SIPA1L1: variants seen among roughly 807,000 people sequenced by gnomAD.
SIPA1L1 encodes signal induced proliferation associated 1 like 1, also known as signal-induced proliferation-associated 1-like protein 1.
In SIPA1L1, 26 loss-of-function variants were observed where a neutral mutation model predicts 162.7. The ratio of observed to expected loss-of-function variants is 0.16; its 90% CI spans 0.12 to 0.22. The LOEUF (loss-of-function observed/expected upper bound fraction) is 0.22, where lower values mean the gene tolerates loss of function less well. SIPA1L1 is among the 10% of genes least tolerant of loss of function. The pLI is 1.00. For missense variants in SIPA1L1, 1,874 were observed against 2,241.0 expected (o/e 0.84, Z 3.31); for synonymous variants, 829 against 837.4 (o/e 0.99, Z 0.17).
Position 71,507,451 on chromosome 14 carries a change from T to G in SIPA1L1, c.-464-5292T>G, listed in dbSNP as rs113748107. 5.3e-3 allele frequency among the ~76,000 whole-genome samples: 800 copies of G among 152,322 alleles called. 10 individuals are homozygous for G. Among genetic ancestry groups the G allele is most frequent in the African/African-American group, 0.018 (752 of 41,568 alleles). On this transcript the variant is annotated intron_variant, in intron 2 of 23. Transcript: ENST00000381232. ...TCTTTCTGTGTTAACCTTAATCAAT[T>G]GATGTGTAGTTCAGTTTCGTGGGTA...
chr14:71,451,809 T>G (rs1203025767), intron 2 of SIPA1L1, among the ~76,000 whole-genome samples: 6 of 152,040 alleles, frequency 3.9e-5, no homozygotes, highest in Non-Finnish European at 8.8e-5. Flanking sequence ...TTTCCTGGTG[T>G]GTACGCAATT....
intron 2 of SIPA1L1, among the ~76,000 whole-genome samples, chr14:71,343,052 C>CT (rs1207989322): frequency 4.6e-5 from 7 of 152,146 alleles, no homozygotes; most frequent in African/African-American, 1.7e-4. Flanking sequence ...GTGCAAGGAC[C>CT]TTAGCCTATT....
chr14:71,646,392 G>T (rs2042171566), intron 7 of SIPA1L1, among the ~76,000 whole-genome samples: 1 of 152,150 alleles, frequency 6.6e-6, no homozygotes, highest in African/African-American at 2.4e-5. Context: ...TAGTCAGGAT[G>T]CTCTCAATCT....
chr14:71,433,501 G>A (rs1205595040), intron 2 of SIPA1L1, among the ~76,000 whole-genome samples: 2 of 152,094 alleles, frequency 1.3e-5, no homozygotes, highest in African/African-American at 2.4e-5. Flanking sequence ...ACTTTTTGTA[G>A]CGACGGGGCT....
chr14:71,527,814 C>T (rs2053036615), intron 3 of SIPA1L1, among the ~76,000 whole-genome samples: 1 of 152,150 alleles, frequency 6.6e-6, no homozygotes, highest in African/African-American at 2.4e-5. Flanking sequence ...TTTTCAGTCC[C>T]TCTTAATTGA....
chr14:71,346,322 T>G lies in SIPA1L1; in HGVS notation c.-465+25141T>G, dbSNP rs540559853. 7.2e-5 allele frequency among the ~76,000 whole-genome samples: 11 copies of G among 152,362 alleles called. No homozygotes were observed. The South Asian group carries it at 8.3e-4, about 11-fold the overall frequency. On this transcript the variant is annotated intron_variant, in intron 2 of 23. Coordinates refer to ENST00000381232, the MANE Select transcript of SIPA1L1 (RefSeq NM_001386936.1). ...TGGAGACATCTGATAAGTCTTAGACTTACTGATAATTTCATTTTTAGAAGG... is the reference window on the plus strand; with the variant it reads ...TGGAGACATCTGATAAGTCTTAGACGTACTGATAATTTCATTTTTAGAAGG...
At chr14:71,330,437 T>A (rs2034389300) in intron 2 of SIPA1L1, 1 of 1,564,432 alleles carries the variant, frequency 6.4e-7, no homozygotes, top group South Asian at 1.1e-5. Context: ...GCAGCCTTGC[T>A]GTGCTCAATA....
At chr14:71,619,403 C>G (rs1193609679) in intron 6 of SIPA1L1, among the ~76,000 whole-genome samples, 2 of 152,046 alleles carry the variant, frequency 1.3e-5, no homozygotes, top group Non-Finnish European at 2.9e-5. Flanking sequence ...ATTCTTTGAA[C>G]CAGGGGCTAT....
At chr14:71,723,553 G>T in intron 17 of SIPA1L1, 94 bp from the exon 18 acceptor site, 2 of 1,423,134 alleles carry the variant, frequency 1.4e-6, no homozygotes, top group African/African-American at 1.4e-5. Context: ...ATTCACTGTT[G>T]TTCAACCCAG....
intron 14 of SIPA1L1, among the ~76,000 whole-genome samples, chr14:71,701,502 C>T (rs1489713558): frequency 2.0e-5 from 3 of 152,126 alleles, no homozygotes; most frequent in Non-Finnish European, 2.9e-5. Flanking sequence ...AGGCGTGAGC[C>T]ACTGCTCCTG....
chr14:71,673,636 A>C (rs934644808), intron 12 of SIPA1L1, among the ~76,000 whole-genome samples: 1 of 152,174 alleles, frequency 6.6e-6, no homozygotes. Flanking sequence ...TGCTCAGGAT[A>C]GTATTTCCTA....
At chr14:71,709,118 C>T (rs562874049) in intron 16 of SIPA1L1, 104 bp from the exon 17 acceptor site, 3 of 907,880 alleles carry the variant, frequency 3.3e-6, no homozygotes, top group African/African-American at 1.7e-5. Flanking sequence ...AACTTTTAGG[C>T]CTTCAGAGCC....
chr14:71,480,329 T>C (rs2048247729), intron 2 of SIPA1L1, among the ~76,000 whole-genome samples: 1 of 151,536 alleles, frequency 6.6e-6, no homozygotes, highest in Admixed American at 6.6e-5. Context: ...CCTCAGTTGA[T>C]CTGCCCACCT....
At chr14:71,341,624 A>G (rs2035661969) in intron 2 of SIPA1L1, among the ~76,000 whole-genome samples, 1 of 152,088 alleles carries the variant, frequency 6.6e-6, no homozygotes, top group South Asian at 2.1e-4. Flanking sequence ...ATCGTACCCA[A>G]CAGTTAGTTT....
intron 2 of SIPA1L1, among the ~76,000 whole-genome samples, chr14:71,422,042 A>G (rs1303859300): frequency 1.3e-5 from 2 of 152,198 alleles, no homozygotes; most frequent in East Asian, 1.9e-4. Flanking sequence ...ATGGAGTATG[A>G]CGTTTTTACT....
At position 71,672,372 on chromosome 14, in the gene SIPA1L1, G is replaced by A. The variant is rs766688517; in HGVS notation, c.2854G>A (p.Val952Met). The change falls in exon 12 of 24, where the codon GTG (valine) becomes ATG (methionine). Residue 952 changes from valine to methionine, a missense_variant. By Grantham distance (21) the Val-to-Met change is conservative. Transcript: ENST00000381232. ...GTTTGTTTCAAAAGGCTGTGAATCG[G>A]TGGAGATGACTCTGCGAAGAAATGG... ...LQFVSKGCES[V>M]EMTLRRNGLG... 1.2e-6 allele frequency: 2 copies of A among 1,614,176 alleles called. No individual in the cohort carries two copies. The highest frequency in any genetic ancestry group is 1.1e-5 in the South Asian group (1 of 91,082).
chr14:71,347,670 C>A (rs2036303401), intron 2 of SIPA1L1, among the ~76,000 whole-genome samples: 1 of 152,212 alleles, frequency 6.6e-6, no homozygotes, highest in Non-Finnish European at 1.5e-5. Flanking sequence ...TTTGCCAACA[C>A]TTGTTACTGT....
Position 71,588,731 on chromosome 14 carries a change from A to G in SIPA1L1, c.859A>G (p.Lys287Glu), listed in dbSNP as rs759065836. 13 of 1,614,104 alleles carry G rather than the reference A, an allele frequency of 8.1e-6. No homozygotes were observed. The highest frequency in any genetic ancestry group is 1.0e-5 in the Non-Finnish European group (12 of 1,179,976). ...EREKPLKRRSKSETGDSSIFR... is the reference protein window; with the variant it reads ...EREKPLKRRSESETGDSSIFR... Reference sequence around the variant, plus strand: ...GGAAAAACCACTCAAGCGACGTTCAAAATCTGAAACTGGAGACTCATCTAT... The same window carrying G: ...GGAAAAACCACTCAAGCGACGTTCAGAATCTGAAACTGGAGACTCATCTAT... Residue 287 changes from lysine to glutamate, a missense_variant, in exon 5 of 24, where the codon AAA (lysine) becomes GAA (glutamate). By Grantham distance (56) the Lys-to-Glu change is moderately conservative (BLOSUM62 1). Transcript: ENST00000381232. The surrounding 1 kb of genome is among the most constrained non-coding windows in gnomAD (Gnocchi z 4.3).
intron 2 of SIPA1L1, among the ~76,000 whole-genome samples, chr14:71,407,313 A>G (rs1281493139): frequency 6.6e-6 from 1 of 152,170 alleles, no homozygotes; most frequent in African/African-American, 2.4e-5. Flanking sequence ...TAGAGGATGA[A>G]TTTACATGCC....
Sources: allele counts gnomAD v4.1 joint callset (sites outside exome capture counted in the v4.1 genomes callset), GRCh38; gene constraint gnomAD v4.1.1; non-coding constraint Gnocchi (gnomAD v3.1); transcripts MANE v1.5; gene names NCBI Gene and HGNC (gene_info 2026-07-23, HGNC 2026-07-21).